Variants in PCDH17 observed in about 807,000 individuals in gnomAD.
The protein encoded by PCDH17 is protocadherin-17.
A neutral mutation model predicts 67.7 loss-of-function variants in PCDH17; 21 were observed. The ratio of observed to expected loss-of-function variants is 0.31; its 90% CI spans 0.22 to 0.45. The LOEUF (loss-of-function observed/expected upper bound fraction) is 0.45, where lower values mean the gene tolerates loss of function less well. Ranked by LOEUF, PCDH17 falls within the 20% of genes least tolerant of loss-of-function variation. The pLI is 1.00. For synonymous variants in PCDH17, 701 were observed against 656.7 expected (o/e 1.07, Z -1.03); for missense variants, 1,471 against 1,564.8 (o/e 0.94, Z 1.01).
chr13:57,693,167 G>C (rs1955574638), intron 3 of PCDH17, among the ~76,000 whole-genome samples: 1 of 149,124 alleles, frequency 6.7e-6, no homozygotes, highest in Non-Finnish European at 1.5e-5. Flanking sequence ...AAGAAAGTTA[G>C]TGCTCATTGA....
intron 3 of PCDH17, among the ~76,000 whole-genome samples, chr13:57,710,018 G>A (rs1213890432): frequency 6.6e-6 from 1 of 151,812 alleles, no homozygotes; most frequent in Non-Finnish European, 1.5e-5. Context: ...TCTTAAGTGA[G>A]TTTAAGTGGG....
chr13:57,632,349 G>C lies in PCDH17; in HGVS notation c.-198G>C. 4.9e-6 allele frequency: 3 copies of C among 606,862 alleles called. No homozygotes were observed. In the East Asian group the frequency reaches 8.3e-5, roughly 17 times the overall value. The allele number at this position is 606,862 out of a possible 1,614,324, so 37.6% of individuals were successfully genotyped here. ...CTTCTCACCCAGTGCGGATGCTGTA[G>C]ATCAACAGGTTCAGGGAACTTGAGC... On this transcript the variant is annotated 5_prime_UTR_variant, in exon 1 of 4. The change abolishes the stop of an existing upstream ORF in the 5' untranslated region. Transcript: ENST00000377918.
At chr13:57,681,341 T>C (rs1327360332) in intron 3 of PCDH17, among the ~76,000 whole-genome samples, 2 of 151,860 alleles carry the variant, frequency 1.3e-5, no homozygotes, top group African/African-American at 4.8e-5. Flanking sequence ...TTATTCTTTA[T>C]AACTAAATTT....
chr13:57,673,564 T>C (rs1371493460), intron 3 of PCDH17, among the ~76,000 whole-genome samples: 1 of 151,984 alleles, frequency 6.6e-6, no homozygotes, highest in African/African-American at 2.4e-5. Flanking sequence ...TGCCAGTCTC[T>C]GAAAACAATT....
At chr13:57,710,453 T>A (rs1346093554) in intron 3 of PCDH17, among the ~76,000 whole-genome samples, 1 of 151,888 alleles carries the variant, frequency 6.6e-6, no homozygotes, top group African/African-American at 2.4e-5. Context: ...CCATAAATTA[T>A]GCAATACATT....
rs537333329 is a variant in PCDH17, at chr13:57,678,935, T to A, written c.2797+12102T>A. ...CCAGAATTAAGAATTTTTCTGATCT[T>A]AGAAAGGGGCTATAGTTCATATACA... is the stretch of plus-strand genomic sequence containing the variant. On this transcript the variant is annotated intron_variant, in intron 3 of 3. Transcript: ENST00000377918. Among the ~76,000 whole-genome samples the A allele has an allele frequency of 1.6e-4, 25 of 151,672 alleles. No individual in the cohort carries two copies. In the East Asian group the frequency reaches 4.5e-3, roughly 27 times the overall value.
At position 57,727,087 on chromosome 13, in the gene PCDH17, T is replaced by C. The variant is rs1274940297; in HGVS notation, c.*1793T>C. The C allele has an allele frequency of 6.6e-6, 1 of 152,588 alleles. No homozygotes were observed. The highest frequency in any genetic ancestry group is 1.5e-5 in the Non-Finnish European group (1 of 68,000). The allele number at this position is 152,588 out of a possible 1,614,324, so 9.5% of individuals were successfully genotyped here. A position where few individuals can be genotyped will look rare whatever the true frequency, so the allele number is the denominator to read the frequency against. On this transcript the variant is annotated 3_prime_UTR_variant, in exon 4 of 4. Transcript: ENST00000377918. The stretch of plus-strand genomic sequence containing the variant: ...ATATGAGGCTAAGAAACCTCAAATT[T>C]CAGGAATTGGGAAAAATAAAATTAG...
chr13:57,728,807 A>G lies in PCDH17; in HGVS notation c.*3513A>G, dbSNP rs1490895497. 6.6e-6 allele frequency: 1 copy of G among 152,136 alleles called. No homozygotes were observed. The highest frequency in any genetic ancestry group is 1.5e-5 in the Non-Finnish European group (1 of 67,956). 9.4% of individuals were successfully genotyped at this position (152,136 alleles called of 1,614,324 possible). A position where few individuals can be genotyped will look rare whatever the true frequency, so the allele number is the denominator to read the frequency against. Reference sequence around the variant, plus strand: ...TCTTGTAAAACATGACTTCCCTTTAAAGGATCTAGATATTGTTCAATTTAA... The same window carrying G: ...TCTTGTAAAACATGACTTCCCTTTAGAGGATCTAGATATTGTTCAATTTAA... On this transcript the variant is annotated 3_prime_UTR_variant, in exon 4 of 4. Coordinates refer to ENST00000377918, the MANE Select transcript of PCDH17 (RefSeq NM_001040429.3).
At chr13:57,674,363 G>A (rs372559843) in intron 3 of PCDH17, among the ~76,000 whole-genome samples, 2 of 151,716 alleles carry the variant, frequency 1.3e-5, no homozygotes, top group South Asian at 4.2e-4. Flanking sequence ...GTCTCGTTCT[G>A]TTGCCCATGC....
Position 57,634,741 on chromosome 13 carries a change from G to A in PCDH17, c.2195G>A (p.Arg732His). 1 of 1,613,930 alleles carries A rather than the reference G, an allele frequency of 6.2e-7. No individual in the cohort carries two copies. The highest frequency in any genetic ancestry group is 8.5e-7 in the Non-Finnish European group (1 of 1,180,008). The change falls in exon 1 of 4, where the codon CGC (arginine) becomes CAC (histidine). Residue 732 changes from arginine (R) to histidine (H), a missense_variant. By Grantham distance (29) the Arg-to-His change is conservative. Coordinates refer to ENST00000377918, the MANE Select transcript of PCDH17 (RefSeq NM_001040429.3). This position sits in a 1 kb window ranked among gnomAD's most constrained non-coding sequence, Gnocchi z 7.8. ...AMITIAVKCK[R>H]ENKEIRTYNC... ...ATCACCATCGCCGTCAAGTGCAAGC[G>A]CGAGAACAAGGAGATCCGCACTTAC...
At chr13:57,686,092 A>G (rs1012736426) in intron 3 of PCDH17, among the ~76,000 whole-genome samples, 1 of 151,164 alleles carries the variant, frequency 6.6e-6, no homozygotes, top group Non-Finnish European at 1.5e-5. Context: ...TCATCTCTGA[A>G]AAAAAAAAGT....
chr13:57,633,611 C>T lies in PCDH17; in HGVS notation c.1065C>T (p.Ser355=), dbSNP rs753452345. ...ATGCGCCGTCCATCGGTTTCGTCTCCGTGCGCCAGGGGGCGCTGAGCGAGG... is the reference window on the plus strand; with the variant it reads ...ATGCGCCGTCCATCGGTTTCGTCTCTGTGCGCCAGGGGGCGCTGAGCGAGG... ...NDNAPSIGFV[S]VRQGALSEAA... The change falls in exon 1 of 4, where the codon TCC becomes TCT. Residue 355 remains serine (S), a synonymous_variant. Coordinates refer to ENST00000377918, the MANE Select transcript of PCDH17 (RefSeq NM_001040429.3). The surrounding 1 kb of genome is among the most constrained non-coding windows in gnomAD (Gnocchi z 6.2). 3 of 1,612,004 alleles carry T rather than the reference C, an allele frequency of 1.9e-6. No individual in the cohort carries two copies. The highest frequency in any genetic ancestry group is 1.3e-5 in the African/African-American group (1 of 75,064).
intron 1 of PCDH17, among the ~76,000 whole-genome samples, chr13:57,656,468 T>C (rs891112835): frequency 1.3e-5 from 2 of 152,168 alleles, no homozygotes; most frequent in African/African-American, 4.8e-5. Context: ...TTCTTTATTC[T>C]CTTCCTTTGT....
chr13:57,684,546 C>T (rs1262585639), intron 3 of PCDH17, among the ~76,000 whole-genome samples: 1 of 151,888 alleles, frequency 6.6e-6, no homozygotes, highest in African/African-American at 2.4e-5. Flanking sequence ...TGCATTTTCA[C>T]ATAGACTTGT....
chr13:57,718,273 G>A (rs1350554266), intron 3 of PCDH17, among the ~76,000 whole-genome samples: 1 of 151,892 alleles, frequency 6.6e-6, no homozygotes. Context: ...AAACTTGGAA[G>A]TAGGAAAAAA....
chr13:57,693,837 C>A (rs553329356), intron 3 of PCDH17, among the ~76,000 whole-genome samples: 2 of 151,066 alleles, frequency 1.3e-5, no homozygotes, highest in South Asian at 4.2e-4. Context: ...ATTTTTCAAA[C>A]TATTACATGT....
chr13:57,631,843 C>T lies in PCDH17; in HGVS notation c.-704C>T, dbSNP rs1305624431. On this transcript the variant is annotated 5_prime_UTR_variant, in exon 1 of 4. Coordinates refer to ENST00000377918, the MANE Select transcript of PCDH17 (RefSeq NM_001040429.3). The stretch of plus-strand genomic sequence containing the variant: ...AGTCCGCCGCCGCCGCTGCCTCAGC[C>T]AGCAATGCAAGATTAGATCTCTAAA... The T allele has an allele frequency of 2.6e-5, 4 of 152,268 alleles. No individual in the cohort carries two copies. Among genetic ancestry groups the T allele is most frequent in the African/African-American group, 9.7e-5 (4 of 41,414 alleles). 9.4% of individuals were successfully genotyped at this position (152,268 alleles called of 1,614,324 possible).
At chr13:57,715,974 A>G (rs908767668) in intron 3 of PCDH17, among the ~76,000 whole-genome samples, 4 of 152,010 alleles carry the variant, frequency 2.6e-5, no homozygotes, top group African/African-American at 9.7e-5. Context: ...ACCAGTTTAA[A>G]TGCACATTAA....
intron 3 of PCDH17, among the ~76,000 whole-genome samples, chr13:57,671,303 A>G (rs1041883735): frequency 4.0e-5 from 6 of 151,828 alleles, no homozygotes; most frequent in Non-Finnish European, 7.4e-5. Context: ...GAATATTGAG[A>G]AAAATATATC....
Sources: gnomAD v4.1 joint callset for allele counts (sites outside exome capture counted in the v4.1 genomes callset) on GRCh38, gnomAD v4.1.1 for gene constraint, Gnocchi (gnomAD v3.1) non-coding constraint, MANE v1.5 for transcripts, NCBI Gene and HGNC (gene_info 2026-07-23, HGNC 2026-07-21) for gene names.